The following BICD1 variants were observed in gnomAD, a reference collection of about 807,000 sequenced individuals.
BICD1 encodes the protein BICD cargo adaptor 1, also known as protein bicaudal D homolog 1.
In BICD1, 35 loss-of-function variants were observed where a neutral mutation model predicts 92.5. The ratio of observed to expected loss-of-function variants is 0.38; its 90% confidence interval spans 0.29 to 0.50. The LOEUF is 0.50. Ranked by LOEUF, BICD1 falls within the 20% of genes least tolerant of loss-of-function variation. BICD1 has a pLI of 0.93. For synonymous variants in BICD1, 429 were observed against 465.1 expected, an observed-to-expected ratio of 0.92 and a Z score of 1.00; for missense variants, 950 against 1,189.8, an observed-to-expected ratio of 0.80 and a Z score of 2.97.
chr12:32,166,186 A>C (rs1310739402), intron 1 of BICD1, among the ~76,000 whole-genome samples: 5 of 150,914 alleles, frequency 3.3e-5, no homozygotes, highest in African/African-American at 1.2e-4. Flanking sequence ...CCCAGGCTGG[A>C]GTGCAGTGGC....
chr12:32,294,062 G>T lies in BICD1; in HGVS notation c.495G>T (p.Glu165Asp). ...KDEIREYKFR[E>D]ARLLQDYTEL... ...AAATCCGAGAATATAAGTTCCGGGA[G>T]GCACGGCTCCTTCAGGACTATACTG... The change falls in exon 3 of 10, where the codon GAG (glutamate) becomes GAT (aspartate). Residue 165 changes from glutamate (E) to aspartate (D), a missense_variant. Coordinates refer to ENST00000652176, the MANE Select transcript of BICD1 (RefSeq NM_001714.4). 2 of 1,612,824 alleles carry T rather than the reference G, an allele frequency of 1.2e-6. No individual in the cohort carries two copies. The highest frequency in any genetic ancestry group is 1.7e-6 in the Non-Finnish European group (2 of 1,179,712).
Position 32,269,468 on chromosome 12 carries a change from T to C in BICD1, c.427-24526T>C, listed in dbSNP as rs60489586. Among the ~76,000 whole-genome samples the C allele has an allele frequency of 9.1e-3, 1,392 of 152,312 alleles. 26 individuals are homozygous for C. The highest frequency in any genetic ancestry group is 0.032 in the African/African-American group (1,315 of 41,562). The stretch of plus-strand genomic sequence containing the variant: ...TGAGAACTTTAACAGTAATTCTCCA[T>C]ATGCAAAAAAGCATTTTTACTAGTC... On this transcript the variant is annotated intron_variant, in intron 2 of 9. Coordinates refer to ENST00000652176, the MANE Select transcript of BICD1 (RefSeq NM_001714.4).
Position 32,107,188 on chromosome 12 carries a change from G to C in BICD1, c.-144G>C. 1 of 762,476 alleles carries C rather than the reference G, an allele frequency of 1.3e-6. No homozygotes were observed. The allele number at this position is 762,476 out of a possible 1,614,324, so 47.2% of individuals were successfully genotyped here. On this transcript the variant is annotated 5_prime_UTR_variant, in exon 1 of 10. Coordinates refer to ENST00000652176, the MANE Select transcript of BICD1 (RefSeq NM_001714.4). Reference sequence around the variant, plus strand: ...AGCTGCCGCTGCCACCAGAGCCGGCGGGGCATCGCGCTGCTCATTCATCCG... The same window carrying C: ...AGCTGCCGCTGCCACCAGAGCCGGCCGGGCATCGCGCTGCTCATTCATCCG...
chr12:32,370,121 C>T (rs1459163521), intron 9 of BICD1, among the ~76,000 whole-genome samples: 1 of 152,108 alleles, frequency 6.6e-6, no homozygotes, highest in African/African-American at 2.4e-5. Flanking sequence ...GTAATCCCAG[C>T]ACTTTGGGAG....
At chr12:32,358,760 G>A (rs1939215675) in intron 8 of BICD1, among the ~76,000 whole-genome samples, 1 of 152,066 alleles carries the variant, frequency 6.6e-6, no homozygotes, top group Non-Finnish European at 1.5e-5. Context: ...TACAGAAAGT[G>A]ACCTTGCATA....
In BICD1 at chr12:32,116,484, CTCTCTCTT is replaced by C. The variant is rs1327285896; in HGVS notation, c.213+8948_213+8955del. Reference sequence around the variant, plus strand: ...TCTGTCTCTCTCTCTCTCTCTCTCTCTCTCTCTTTCTCTCTCTCTCTCTCTCTATATAT... The same window carrying C: ...TCTGTCTCTCTCTCTCTCTCTCTCTCTCTCTCTCTCTCTCTCTCTATATAT... On this transcript the variant is annotated intron_variant, in intron 1 of 9. Transcript: ENST00000652176. 5.6e-3 allele frequency among the ~76,000 whole-genome samples: 643 copies of C among 114,226 alleles called. 2 individuals carry two copies. Among genetic ancestry groups the C allele is most frequent in the African/African-American group, 0.015 (436 of 28,234 alleles). The allele number at this position is 114,226 out of a possible 152,430, so 74.9% of individuals were successfully genotyped here.
chr12:32,202,548 C>T (rs954208268), intron 1 of BICD1, among the ~76,000 whole-genome samples: 4 of 152,066 alleles, frequency 2.6e-5, no homozygotes, highest in Non-Finnish European at 4.4e-5. Context: ...TACAGATTGC[C>T]ATTAGGATAC....
intron 1 of BICD1, among the ~76,000 whole-genome samples, chr12:32,205,429 T>C (rs1211689363): frequency 5.3e-5 from 8 of 152,090 alleles, no homozygotes. Flanking sequence ...CTTAGGATAA[T>C]GCTACTCAAA....
intron 8 of BICD1, among the ~76,000 whole-genome samples, chr12:32,362,915 C>T (rs1467026634): frequency 1.3e-5 from 2 of 152,054 alleles, no homozygotes; most frequent in African/African-American, 2.4e-5. Flanking sequence ...TTATCAAAAA[C>T]ACTTATTTTC....
chr12:32,326,650 A>T (rs261894), intron 4 of BICD1, among the ~76,000 whole-genome samples: 4 of 152,142 alleles, frequency 2.6e-5, no homozygotes, highest in Non-Finnish European at 5.9e-5. Flanking sequence ...TTTGGGAGGC[A>T]GAGGCAGGGG....
chr12:32,239,275 G>A, intron 2 of BICD1, among the ~76,000 whole-genome samples: 1 of 122,254 alleles, frequency 8.2e-6, no homozygotes, highest in Non-Finnish European at 1.7e-5. Flanking sequence ...AGAAAAGAAA[G>A]GAAATTGTTG....
chr12:32,171,940 T>TACACACACAC (rs61038844), intron 1 of BICD1, among the ~76,000 whole-genome samples: 35 of 141,094 alleles, frequency 2.5e-4, no homozygotes, highest in African/African-American at 8.5e-4. Context: ...TCTCAAAAAA[T>TACACACACAC]ACACACACAC....
chr12:32,196,191 G>C (rs543119639), intron 1 of BICD1, among the ~76,000 whole-genome samples: 1 of 152,292 alleles, frequency 6.6e-6, no homozygotes, highest in South Asian at 2.1e-4. Flanking sequence ...TATATTGTTG[G>C]TGGAAATATC....
At chr12:32,376,086 ATT>A (rs11378740) in intron 9 of BICD1, among the ~76,000 whole-genome samples, 6 of 140,462 alleles carry the variant, frequency 4.3e-5, no homozygotes, top group East Asian at 4.2e-4. Flanking sequence ...TGCTAGTCAC[ATT>A]TTTTTTTTTT....
At chr12:32,339,924 A>G (rs903700680) in intron 8 of BICD1, 2 of 850,682 alleles carry the variant, frequency 2.4e-6, no homozygotes, top group Non-Finnish European at 2.8e-6. Context: ...GCGTTCACGC[A>G]TGTCAACACC....
intron 8 of BICD1, among the ~76,000 whole-genome samples, chr12:32,358,101 G>A (rs1002045220): frequency 6.6e-6 from 1 of 151,966 alleles, no homozygotes; most frequent in Non-Finnish European, 1.5e-5. Flanking sequence ...AGTTGAGTTT[G>A]GTTTGTTTGT....
Position 32,154,907 on chromosome 12 carries a change from A to G in BICD1, c.213+47363A>G, listed in dbSNP as rs185867092. Among the ~76,000 whole-genome samples, 79 of 152,308 alleles carry G rather than the reference A, an allele frequency of 5.2e-4. 1 individual carries two copies. Among genetic ancestry groups the G allele is most frequent in the African/African-American group, 1.8e-3 (73 of 41,562 alleles). On this transcript the variant is annotated intron_variant, in intron 1 of 9. Coordinates refer to ENST00000652176, the MANE Select transcript of BICD1 (RefSeq NM_001714.4). Reference sequence around the variant, plus strand: ...AACCTCCTGCTTTATCCTGTATCCAATTAAAATGATCCCTCGTCAGTTTTT... The same window carrying G: ...AACCTCCTGCTTTATCCTGTATCCAGTTAAAATGATCCCTCGTCAGTTTTT...
chr12:32,158,363 C>T (rs1404667299), intron 1 of BICD1, among the ~76,000 whole-genome samples: 1 of 152,124 alleles, frequency 6.6e-6, no homozygotes, highest in Non-Finnish European at 1.5e-5. Flanking sequence ...CCACCTTGGC[C>T]TCCCAAAGTG....
intron 1 of BICD1, among the ~76,000 whole-genome samples, chr12:32,130,385 A>G (rs1427533927): frequency 6.6e-6 from 1 of 152,130 alleles, no homozygotes; most frequent in Non-Finnish European, 1.5e-5. Context: ...TTGTGTTTTT[A>G]GTAGAGACGG....
Sources: gnomAD v4.1 joint callset for allele counts (sites outside exome capture counted in the v4.1 genomes callset) on GRCh38, gnomAD v4.1.1 for gene constraint, MANE v1.5 for transcripts, NCBI Gene and HGNC (gene_info 2026-07-23, HGNC 2026-07-21) for gene names.